SYNE1: variants seen among roughly 807,000 people sequenced by gnomAD.
The protein encoded by SYNE1 is nesprin-1.
SYNE1 carries 616 observed loss-of-function variants against 1,111.0 expected under a neutral mutation model. The ratio of observed to expected loss-of-function variants is 0.55; its 90% CI spans 0.52 to 0.59. SYNE1 has a LOEUF of 0.59. Among genes scored for constraint, SYNE1 ranks in the 20% least tolerant of loss-of-function variants. The pLI, the probability that SYNE1 is intolerant of heterozygous loss-of-function variation, is 0.00. For synonymous variants in SYNE1, 3,855 were observed against 3,825.8 expected (o/e 1.01, Z -0.28); for missense variants, 10,006 against 10,417.0 (o/e 0.96, Z 1.72).
intron 101 of SYNE1, among the ~76,000 whole-genome samples, chr6:152,257,281 A>G (rs1588888913): frequency 6.6e-6 from 1 of 152,146 alleles, no homozygotes; most frequent in African/African-American, 2.4e-5. Context: ...GCCTGTAATC[A>G]CAGCACTCTG....
intron 134 of SYNE1, 84 bp from the exon 135 acceptor site, chr6:152,151,774 G>A: frequency 1.9e-6 from 3 of 1,547,848 alleles, no homozygotes; most frequent in Non-Finnish European, 8.8e-7. Flanking sequence ...GAATTCCAGT[G>A]TTCTGTAAAG....
rs147850477 is a variant in SYNE1 at position 152,600,874 on chromosome 6, C to T, written c.67+27391G>A. 6.2e-3 allele frequency among the ~76,000 whole-genome samples: 948 copies of T among 152,258 alleles called. 9 individuals are homozygous for T. Among genetic ancestry groups the T allele is most frequent in the African/African-American group, 0.022 (902 of 41,544 alleles). ...TGCACTGTGAAATTAAAAACTCTTA[C>T]TTAAATGAAACTACGGTAAAAATGA... is the stretch of plus-strand genomic sequence containing the variant. On this transcript the variant is annotated intron_variant, in intron 3 of 145. Coordinates refer to ENST00000367255, the MANE Select transcript of SYNE1 (RefSeq NM_182961.4).
intron 40 of SYNE1, among the ~76,000 whole-genome samples, chr6:152,418,127 C>T (rs1425482551): frequency 6.6e-6 from 1 of 152,166 alleles, no homozygotes; most frequent in Non-Finnish European, 1.5e-5. Flanking sequence ...GACTGCAGAT[C>T]CTGACCTTTT....
chr6:152,388,696 A>C (rs1470164980), intron 53 of SYNE1, among the ~76,000 whole-genome samples: 1 of 152,202 alleles, frequency 6.6e-6, no homozygotes, highest in Admixed American at 6.5e-5. Flanking sequence ...GAGCTTTTAG[A>C]GGGCAAAAAC....
rs1187466153 is a variant in SYNE1, at chr6:152,466,824, C to T, written c.1633-746G>A. On this transcript the variant is annotated intron_variant, in intron 16 of 145. Coordinates refer to ENST00000367255, the MANE Select transcript of SYNE1 (RefSeq NM_182961.4). ...TGAAAGTAGAAAATTAATGCAATTA[C>T]AGTTAAGAACATATCACCAAAGGCT... 2.0e-5 allele frequency among the ~76,000 whole-genome samples: 3 copies of T among 152,138 alleles called. No individual in the cohort carries two copies. The East Asian group carries it at 5.8e-4, about 29-fold the overall frequency.
intron 130 of SYNE1, among the ~76,000 whole-genome samples, chr6:152,171,760 C>T (rs533414016): frequency 2.8e-4 from 42 of 152,282 alleles, no homozygotes; most frequent in African/African-American, 9.6e-4. Context: ...GAGCAGGCCA[C>T]CTGTTTTGGT....
Position 152,427,760 on chromosome 6 carries a change from G to C in SYNE1, c.5033C>G (p.Ala1678Gly). 6.2e-7 allele frequency: 1 copy of C among 1,614,064 alleles called. No individual in the cohort carries two copies. Among genetic ancestry groups the C allele is most frequent in the Non-Finnish European group, 8.5e-7 (1 of 1,180,022 alleles). Residue 1678 changes from alanine (A) to glycine (G), a missense_variant, in exon 38 of 146, where the codon GCC becomes GGC. By Grantham distance (60) the Ala-to-Gly change is moderately conservative. Coordinates refer to ENST00000367255, the MANE Select transcript of SYNE1 (RefSeq NM_182961.4). The stretch of plus-strand genomic sequence containing the variant: ...AGAAATGTCCATTTCTGGGGAACTG[G>C]CTTTAGCTTCACCCCGCTCTAACCA... The part of the protein sequence containing the change: ...LTWLERGEAK[A>G]SSPEMDISAD...
At chr6:152,244,770 A>C in intron 105 of SYNE1, 114 bp from the exon 106 acceptor site, 1 of 1,353,960 alleles carries the variant, frequency 7.4e-7, no homozygotes, top group South Asian at 1.2e-5. Flanking sequence ...CATTCTCAAT[A>C]TATACAAAAG....
intron 56 of SYNE1, among the ~76,000 whole-genome samples, chr6:152,379,531 A>T (rs1183725621): frequency 6.6e-6 from 1 of 152,160 alleles, no homozygotes; most frequent in Non-Finnish European, 1.5e-5. Flanking sequence ...ATGCCCTAAG[A>T]ACCCTAGCAT....
Position 152,568,269 on chromosome 6 carries a change from A to C in SYNE1, c.68-28248T>G, listed in dbSNP as rs556325799. On this transcript the variant is annotated intron_variant, in intron 3 of 145. Transcript: ENST00000367255. Reference sequence around the variant, plus strand: ...AAATATGTGCTAAAAATATGAGTTAAATTTTTATTTTATTTTATTCTTTTT... The same window carrying C: ...AAATATGTGCTAAAAATATGAGTTACATTTTTATTTTATTTTATTCTTTTT... 4.7e-5 allele frequency among the ~76,000 whole-genome samples: 7 copies of C among 149,594 alleles called. No homozygotes were observed. In the East Asian group the frequency reaches 1.4e-3, roughly 30 times the overall value.
chr6:152,375,915 AT>A (rs777141985), intron 58 of SYNE1: 1 of 157,142 alleles, frequency 6.4e-6, no homozygotes, highest in Non-Finnish European at 1.4e-5. Context: ...TTTATTTGAA[AT>A]TTGAATTTCT....
chr6:152,254,038 G>A (rs4870089), intron 104 of SYNE1, among the ~76,000 whole-genome samples: 87,447 of 150,270 alleles, frequency 0.58, 25,832 homozygotes, highest in East Asian at 0.76. Flanking sequence ...CATTTGTTCC[G>A]GTATATATTC....
At chr6:152,596,412 T>C (rs2099582026) in intron 3 of SYNE1, among the ~76,000 whole-genome samples, 1 of 151,860 alleles carries the variant, frequency 6.6e-6, no homozygotes, top group South Asian at 2.1e-4. Flanking sequence ...TGTGCCACCA[T>C]GCCCAGCTAA....
chr6:152,206,038 C>G, intron 126 of SYNE1, 130 bp downstream of exon 126: 1 of 1,009,848 alleles, frequency 9.9e-7, no homozygotes, highest in East Asian at 2.6e-5. Context: ...AAATAAAACA[C>G]AGAGAATCAA....
chr6:152,345,488 G>T (rs1401449341), intron 73 of SYNE1, among the ~76,000 whole-genome samples: 2 of 151,714 alleles, frequency 1.3e-5, no homozygotes, highest in Non-Finnish European at 2.9e-5. Flanking sequence ...ATGTCACCCA[G>T]AATTTTTTTT....
Position 152,242,177 on chromosome 6 carries a change from T to C in SYNE1, c.19893+63A>G, listed in dbSNP as rs144477556. On this transcript the variant is annotated intron_variant, in intron 107 of 145. Coordinates refer to ENST00000367255, the MANE Select transcript of SYNE1 (RefSeq NM_182961.4). ...AATATTAGGTTTTACTAAATATATA[T>C]CAGGGTTTGAGAGCATGCTTTCCAA... 8,924 of 1,386,094 alleles carry C rather than the reference T, an allele frequency of 6.4e-3. 74 individuals carry two copies. Among genetic ancestry groups the C allele is most frequent in the Middle Eastern group, 0.037 (183 of 4,964 alleles). 85.9% of individuals were successfully genotyped at this position (1,386,094 alleles called of 1,614,324 possible). A position where few individuals can be genotyped will look rare whatever the true frequency, so the allele number is the denominator to read the frequency against.
Position 152,122,555 on chromosome 6 carries a change from T to G in SYNE1, c.26275A>C (p.Ile8759Leu). 1 of 1,614,074 alleles carries G rather than the reference T, an allele frequency of 6.2e-7. No individual in the cohort carries two copies. Among genetic ancestry groups the G allele is most frequent in the Non-Finnish European group, 8.5e-7 (1 of 1,180,010 alleles). Residue 8759 changes from isoleucine to leucine, a missense_variant, in exon 146 of 146, where the codon ATC becomes CTC. By Grantham distance (5) the Ile-to-Leu change is conservative (BLOSUM62 2). Transcript: ENST00000367255. ...LPLQLLLLLL[I>L]GLACLVPMSE... ...ATTGGTACAAGGCAGGCAAGCCCGA[T>G]GAGGAGGAGCAGGAGAAGCTGAAGG...
chr6:152,556,204 T>C (rs752592486), intron 3 of SYNE1, among the ~76,000 whole-genome samples: 1 of 152,134 alleles, frequency 6.6e-6, no homozygotes, highest in Admixed American at 6.6e-5. Flanking sequence ...AGCTAAGGAA[T>C]ATAGTGCCTG....
intron 98 of SYNE1, chr6:152,277,581 C>T (rs1445319127): frequency 5.4e-6 from 1 of 185,204 alleles, no homozygotes; most frequent in African/African-American, 2.4e-5. Context: ...AGCCACGGCG[C>T]CCTGCCCACA....
Sources: allele counts gnomAD v4.1 joint callset (sites outside exome capture counted in the v4.1 genomes callset), GRCh38; gene constraint gnomAD v4.1.1; transcripts MANE v1.5; gene names NCBI Gene and HGNC (gene_info 2026-07-23, HGNC 2026-07-21).